OTOGL: variants seen among roughly 807,000 people sequenced by gnomAD.
OTOGL encodes otogelin-like protein.
Under a neutral mutation model 318.5 loss-of-function variants are expected in OTOGL, and 285 were observed. The observed-to-expected ratio is 0.89, with a 90% CI of 0.81 to 0.99. The LOEUF is 0.99. OTOGL is among the 50% of genes least tolerant of loss of function. The pLI is 0.00. For synonymous variants in OTOGL, 987 were observed against 936.5 expected, an observed-to-expected ratio of 1.05 and a Z score of -0.99; for missense variants, 2,899 against 2,845.6, an observed-to-expected ratio of 1.02 and a Z score of -0.43.
chr12:80,191,529 A>G (rs1875697676), intron 1 of OTOGL, among the ~76,000 whole-genome samples: 1 of 152,262 alleles, frequency 6.6e-6, no homozygotes, highest in African/African-American at 2.4e-5. Context: ...TATAAACCAT[A>G]TACTGTATTT....
Position 80,279,058 on chromosome 12 carries a change from A to T in OTOGL, c.2820A>T (p.Thr940=), listed in dbSNP as rs747161353. 1.3e-6 allele frequency: 2 copies of T among 1,595,464 alleles called. No homozygotes were observed. Among genetic ancestry groups the T allele is most frequent in the Non-Finnish European group, 1.7e-6 (2 of 1,177,010 alleles). The change falls in exon 26 of 59, where the codon ACA becomes ACT. Residue 940 remains threonine (T), a synonymous_variant. Coordinates refer to ENST00000547103, the MANE Select transcript of OTOGL (RefSeq NM_001378609.3). ...CVCRRGMFNC[T]YYPCPAVCTI... ...GTCGACGAGGAATGTTCAATTGCACATATTATCCATGCCCAGCAGTGTGCA... is the reference window on the plus strand; with the variant it reads ...GTCGACGAGGAATGTTCAATTGCACTTATTATCCATGCCCAGCAGTGTGCA...
At chr12:80,236,361 C>G (rs1182429465) in intron 9 of OTOGL, among the ~76,000 whole-genome samples, 1 of 152,058 alleles carries the variant, frequency 6.6e-6, no homozygotes, top group Admixed American at 6.6e-5. Context: ...ATATTTTATA[C>G]AAAGCATTTT....
intron 57 of OTOGL, among the ~76,000 whole-genome samples, chr12:80,375,275 C>T (rs527429588): frequency 1.3e-5 from 2 of 152,232 alleles, no homozygotes; most frequent in African/African-American, 4.8e-5. Flanking sequence ...TTGGTACAAA[C>T]AAACTCAGCT....
intron 53 of OTOGL, among the ~76,000 whole-genome samples, chr12:80,366,951 G>A (rs917397278): frequency 6.6e-6 from 1 of 151,728 alleles, no homozygotes; most frequent in Non-Finnish European, 1.5e-5. Flanking sequence ...AAAGTATGAT[G>A]TTATGCCCAT....
In OTOGL at chr12:80,341,993, G is replaced by T. The variant is rs1225009548; in HGVS notation, c.5096G>T (p.Gly1699Val). ...DPDDDLRMQN[G>V]TIITNMEDIG... ...GATGATGATCTAAGGATGCAAAATGGCACAATTATTACAAATATGGAAGAC... is the reference window on the plus strand; with the variant it reads ...GATGATGATCTAAGGATGCAAAATGTCACAATTATTACAAATATGGAAGAC... Residue 1699 changes from glycine to valine, a missense_variant, in exon 44 of 59, where the codon GGC (glycine) becomes GTC (valine). Around this residue, in one of 3 missense-constraint regions of OTOGL, gnomAD observed 2,607 missense variants for 2,524.9 expected, o/e 1.03. Coordinates refer to ENST00000547103, the MANE Select transcript of OTOGL (RefSeq NM_001378609.3). 3.1e-6 allele frequency: 5 copies of T among 1,608,774 alleles called. No individual in the cohort carries two copies. The highest frequency in any genetic ancestry group is 1.1e-5 in the South Asian group (1 of 89,948).
At chr12:80,112,059 G>T (rs1869873495) in intron 1 of OTOGL, among the ~76,000 whole-genome samples, 1 of 151,992 alleles carries the variant, frequency 6.6e-6, no homozygotes, top group South Asian at 2.1e-4. Context: ...GTCTATAATT[G>T]GTGTATAGGA....
At chr12:80,117,757 A>G (rs935944114) in intron 1 of OTOGL, among the ~76,000 whole-genome samples, 3 of 152,206 alleles carry the variant, frequency 2.0e-5, no homozygotes, top group Admixed American at 6.5e-5. Context: ...GCATCCGTAT[A>G]CCTAATTGCA....
At chr12:80,108,963 C>A (rs1429290909) in intron 1 of OTOGL, among the ~76,000 whole-genome samples, 1 of 140,428 alleles carries the variant, frequency 7.1e-6, no homozygotes, top group Non-Finnish European at 1.5e-5. Flanking sequence ...TACACACACA[C>A]ATATATAATT....
chr12:80,336,541 T>C lies in OTOGL; in HGVS notation c.4729T>C (p.Cys1577Arg), dbSNP rs760777831. The C allele has an allele frequency of 1.9e-6, 3 of 1,608,458 alleles. No individual in the cohort carries two copies. Among genetic ancestry groups the C allele is most frequent in the Non-Finnish European group, 1.7e-6 (2 of 1,176,692 alleles). ...AATTATAGTTGCTCATATCGAAAAA[T>C]GTTCCATGAATCAGGTGGGTCATAA... ...GEIIVAHIEKCSMNQNGNSLK... is the reference protein window; with the variant it reads ...GEIIVAHIEKRSMNQNGNSLK... The change falls in exon 40 of 59, where the codon TGT (cysteine) becomes CGT (arginine). Residue 1577 changes from cysteine (C) to arginine (R), a missense_variant. Cys to Arg is a radical substitution (Grantham distance 180, BLOSUM62 -3). This residue lies in a region of OTOGL where 2,607 missense variants were observed against 2,524.9 expected (regional missense o/e 1.03). Transcript: ENST00000547103.
chr12:80,128,105 G>A (rs912143228), intron 1 of OTOGL, among the ~76,000 whole-genome samples: 3 of 152,164 alleles, frequency 2.0e-5, no homozygotes, highest in Non-Finnish European at 4.4e-5. Flanking sequence ...CTTTGGAGGA[G>A]GAGAGGAGCT....
At chr12:80,295,729 G>A (rs1334653043) in intron 26 of OTOGL, among the ~76,000 whole-genome samples, 1 of 152,170 alleles carries the variant, frequency 6.6e-6, no homozygotes, top group Non-Finnish European at 1.5e-5. Context: ...TTGACAAGAA[G>A]CCATGTACTT....
chr12:80,256,199 T>C (rs1882020238), intron 16 of OTOGL, 138 bp from the exon 17 acceptor site: 2 of 1,047,856 alleles, frequency 1.9e-6, no homozygotes, highest in East Asian at 5.3e-5. Flanking sequence ...AATTCTAATT[T>C]ATATGCACTC....
intron 15 of OTOGL, 45 bp downstream of exon 15, chr12:80,254,615 T>A: frequency 2.7e-6 from 4 of 1,497,114 alleles, no homozygotes; most frequent in Non-Finnish European, 3.7e-6. Context: ...CAAATTTCTT[T>A]AGACTGGGGA....
intron 1 of OTOGL, among the ~76,000 whole-genome samples, chr12:80,120,994 G>C (rs954808329): frequency 3.3e-5 from 5 of 152,144 alleles, no homozygotes; most frequent in Admixed American, 1.3e-4. Context: ...TATTTCCTAT[G>C]ACTAGTTATT....
chr12:80,193,526 TAATA>T (rs1875842620), intron 1 of OTOGL, among the ~76,000 whole-genome samples: 1 of 152,002 alleles, frequency 6.6e-6, no homozygotes, highest in Non-Finnish European at 1.5e-5. Flanking sequence ...AAAGTAATAA[TAATA>T]ATAATAATAA....
chr12:80,376,068 A>T (rs566046244), intron 57 of OTOGL, among the ~76,000 whole-genome samples: 21 of 151,954 alleles, frequency 1.4e-4, no homozygotes, highest in South Asian at 4.2e-4. Context: ...AATAAAATTT[A>T]AAAAAAAGAG....
At chr12:80,320,807 G>C (rs1385009828) in intron 34 of OTOGL, 107 bp downstream of exon 34, 17 of 1,165,800 alleles carry the variant, frequency 1.5e-5, no homozygotes, top group Non-Finnish European at 1.9e-5. Context: ...TAAGCAGATA[G>C]ACTTTTATGA....
chr12:80,135,271 TCCCCTC>T (rs1871488262), intron 1 of OTOGL, among the ~76,000 whole-genome samples: 28 of 17,742 alleles, frequency 1.6e-3, no homozygotes, highest in Admixed American at 3.4e-3. Flanking sequence ...TCCCCTCCCC[TCCCCTC>T]CCCTTCCCTT....
chr12:80,160,587 G>A (rs10862072), intron 1 of OTOGL, among the ~76,000 whole-genome samples: 79,983 of 151,850 alleles, frequency 0.53, 21,442 homozygotes, highest in African/African-American at 0.63. Flanking sequence ...AAAATCATAG[G>A]TGTTGGTGTG....
Sources: allele counts gnomAD v4.1 joint callset (sites outside exome capture counted in the v4.1 genomes callset), GRCh38; gene constraint gnomAD v4.1.1; regional missense constraint gnomAD v4.1.1; transcripts MANE v1.5; gene names NCBI Gene and HGNC (gene_info 2026-07-23, HGNC 2026-07-21).